Variants in CRTC1 observed in about 807,000 individuals in gnomAD.
The protein encoded by CRTC1 is CREB-regulated transcription coactivator 1.
In CRTC1, 18 loss-of-function variants were observed where a neutral mutation model predicts 66.1. The ratio of observed to expected loss-of-function variants is 0.27; its 90% CI spans 0.19 to 0.40. CRTC1 has a LOEUF of 0.40. Among genes scored for constraint, CRTC1 ranks in the 10% least tolerant of loss-of-function variants. The pLI, the probability that CRTC1 is intolerant of heterozygous loss-of-function variation, is 1.00. For synonymous variants in CRTC1, 416 were observed against 398.8 expected, an observed-to-expected ratio of 1.04 and a Z score of -0.51; for missense variants, 669 against 887.9, an observed-to-expected ratio of 0.75 and a Z score of 3.13.
intron 1 of CRTC1, among the ~76,000 whole-genome samples, chr19:18,736,985 C>T (rs549891614): frequency 3.0e-4 from 46 of 152,270 alleles, no homozygotes; most frequent in African/African-American, 9.4e-4. Context: ...GAGTGCTGCC[C>T]GAACATCTCT....
rs774272041 is a variant in CRTC1, at chr19:18,753,581, A to G, written c.620A>G (p.Lys207Arg). The part of the protein sequence containing the change: ...KNLSKQAWDT[K>R]KTGSRPKSCE... The stretch of plus-strand genomic sequence containing the variant: ...CTTTCCAAGCAAGCATGGGACACCA[A>G]GAAGGTAAGAGCCTATGAGCTTTCA... The change falls in exon 6 of 14, where the codon AAG (lysine) becomes AGG (arginine). Residue 207 changes from lysine to arginine, a missense_variant. By Grantham distance (26) the Lys-to-Arg change is conservative. This residue lies in a region of CRTC1 where 214 missense variants were observed against 323.4 expected (regional missense o/e 0.66). Transcript: ENST00000321949. The G allele has an allele frequency of 1.9e-6, 3 of 1,610,132 alleles. No homozygotes were observed. Among genetic ancestry groups the G allele is most frequent in the Non-Finnish European group, 1.7e-6 (2 of 1,177,500 alleles).
At chr19:18,685,075 T>C (rs1689369855) in intron 1 of CRTC1, among the ~76,000 whole-genome samples, 1 of 152,232 alleles carries the variant, frequency 6.6e-6, no homozygotes, top group African/African-American at 2.4e-5. Flanking sequence ...CAGCCACTGA[T>C]GTGACTGGCT....
chr19:18,757,255 TG>T (rs942103583), intron 6 of CRTC1, among the ~76,000 whole-genome samples: 10 of 152,112 alleles, frequency 6.6e-5, no homozygotes, highest in African/African-American at 2.2e-4. Context: ...GTCCTGCCTT[TG>T]TCCTTGAACA....
At chr19:18,775,462 C>T (rs911507415) in intron 12 of CRTC1, among the ~76,000 whole-genome samples, 179 bp from the exon 13 acceptor site, 3 of 152,180 alleles carry the variant, frequency 2.0e-5, no homozygotes, top group African/African-American at 2.4e-5. Context: ...TCTAGGGTGG[C>T]GGGGAGGCCC....
In CRTC1 at chr19:18,779,273, C is replaced by G. The variant is rs568244507; in HGVS notation, c.*1891C>G. On this transcript the variant is annotated 3_prime_UTR_variant, in exon 14 of 14. Transcript: ENST00000321949. Reference sequence around the variant, plus strand: ...GATCCTAGCAACCATCCCTTCCTCTCTTTGCCCGGCAATGCCTTTGGCATG... The same window carrying G: ...GATCCTAGCAACCATCCCTTCCTCTGTTTGCCCGGCAATGCCTTTGGCATG... 7 of 228,824 alleles carry G rather than the reference C, an allele frequency of 3.1e-5. No homozygotes were observed. The highest frequency in any genetic ancestry group is 2.5e-4 in the East Asian group (4 of 16,008). 14.2% of individuals were successfully genotyped at this position (228,824 alleles called of 1,614,324 possible). A position where few individuals can be genotyped will look rare whatever the true frequency, so the allele number is the denominator to read the frequency against.
chr19:18,744,021 A>C, intron 2 of CRTC1: 1 of 1,464,104 alleles, frequency 6.8e-7, no homozygotes, highest in East Asian at 2.3e-5. Context: ...CCCGAGGCCC[A>C]CAGCCCGGGG....
At chr19:18,747,733 CA>C (rs902970844) in intron 4 of CRTC1, among the ~76,000 whole-genome samples, 18 of 152,190 alleles carry the variant, frequency 1.2e-4, no homozygotes, top group African/African-American at 4.1e-4. Flanking sequence ...ACTCAACAGC[CA>C]TTAAAAATGT....
chr19:18,752,616 G>A (rs1486340009), intron 5 of CRTC1, among the ~76,000 whole-genome samples: 1 of 151,702 alleles, frequency 6.6e-6, no homozygotes, highest in Admixed American at 6.6e-5. Flanking sequence ...ACTGTGTCCA[G>A]CCTTGTTTCT....
intron 1 of CRTC1, among the ~76,000 whole-genome samples, chr19:18,695,366 C>A (rs2052959692): frequency 6.6e-6 from 1 of 152,114 alleles, no homozygotes; most frequent in Non-Finnish European, 1.5e-5. Flanking sequence ...CAAGTGGGGT[C>A]TGCCCTGGGT....
intron 4 of CRTC1, among the ~76,000 whole-genome samples, chr19:18,747,689 A>G (rs1199025009): frequency 6.6e-6 from 1 of 152,170 alleles, no homozygotes; most frequent in African/African-American, 2.4e-5. Context: ...GCTCTTTCCT[A>G]TTTAATGCTG....
In CRTC1 at chr19:18,781,600, C is replaced by T. The variant is rs2055105389; in HGVS notation, c.*4218C>T. ...GGTGGAGTAAGTTGTACCCCCAGGCCTGGGTGCTGGGGAGTTCCTGAGGGC... is the reference window on the plus strand; with the variant it reads ...GGTGGAGTAAGTTGTACCCCCAGGCTTGGGTGCTGGGGAGTTCCTGAGGGC... On this transcript the variant is annotated 3_prime_UTR_variant, in exon 14 of 14. Coordinates refer to ENST00000321949, the MANE Select transcript of CRTC1 (RefSeq NM_015321.3). The T allele has an allele frequency of 4.4e-6, 1 of 229,508 alleles. No individual in the cohort carries two copies. The highest frequency in any genetic ancestry group is 8.6e-6 in the Non-Finnish European group (1 of 115,766). The allele number at this position is 229,508 out of a possible 1,614,324, so 14.2% of individuals were successfully genotyped here.
chr19:18,704,222 T>C (rs1306456136), intron 1 of CRTC1, among the ~76,000 whole-genome samples: 3 of 152,186 alleles, frequency 2.0e-5, no homozygotes, highest in Non-Finnish European at 4.4e-5. Flanking sequence ...AAGCAATCTT[T>C]CCACCTCAGC....
chr19:18,704,540 C>T (rs1034558101), intron 1 of CRTC1, among the ~76,000 whole-genome samples: 24 of 152,184 alleles, frequency 1.6e-4, no homozygotes, highest in East Asian at 5.8e-4. Context: ...GTTGAAACCC[C>T]GTCTCTATTA....
chr19:18,743,455 CGCACAGCCGCCGT>C lies in CRTC1; in HGVS notation c.243+438_243+450del, dbSNP rs2054155642. ...CCCACACAGCGCGGCTCCCGCAGGC[CGCACAGCCGCCGT>C]GCACAGCCTTATCGTAAACAGGAGA... On this transcript the variant is annotated intron_variant, in intron 2 of 13. Coordinates refer to ENST00000321949, the MANE Select transcript of CRTC1 (RefSeq NM_015321.3). Among the ~76,000 whole-genome samples, 3 of 152,242 alleles carry C rather than the reference CGCACAGCCGCCGT, an allele frequency of 2.0e-5. No individual in the cohort carries two copies. In the South Asian group the frequency reaches 6.2e-4, roughly 31 times the overall value.
intron 1 of CRTC1, among the ~76,000 whole-genome samples, chr19:18,689,564 C>CATATATATATATATATATATATATATAT (rs10616884): frequency 6.8e-4 from 26 of 38,312 alleles, no homozygotes; most frequent in African/African-American, 1.1e-3. Context: ...AATTGATGGC[C>CATATATATATATATATATATATATATAT]ATATATATAT....
intron 1 of CRTC1, among the ~76,000 whole-genome samples, chr19:18,739,646 G>A (rs2145715380): frequency 6.6e-6 from 1 of 152,368 alleles, no homozygotes; most frequent in African/African-American, 2.4e-5. Flanking sequence ...GCATGGTGGG[G>A]GGCAGGGGAC....
In CRTC1 at chr19:18,745,928, C is replaced by T. The variant is rs540923120; in HGVS notation, c.349C>T (p.Arg117Trp). The T allele has an allele frequency of 2.5e-6, 4 of 1,612,528 alleles. No homozygotes were observed. The highest frequency in any genetic ancestry group is 3.4e-6 in the Non-Finnish European group (4 of 1,179,316). ...TGGCCGGCTCGGCTCCCCACACCGC[C>T]GGCCCCTGTCAGTGGACAAACACGG... is the stretch of plus-strand genomic sequence containing the variant. ...ERGRLGSPHRRPLSVDKHGRQ... is the reference protein window; with the variant it reads ...ERGRLGSPHRWPLSVDKHGRQ... Residue 117 changes from arginine to tryptophan, a missense_variant, in exon 3 of 14, where the codon CGG (arginine) becomes TGG (tryptophan). Arg to Trp is a moderately radical substitution (Grantham distance 101). Around this residue, in one of 8 missense-constraint regions of CRTC1, gnomAD observed 214 missense variants for 323.4 expected, o/e 0.66. Coordinates refer to ENST00000321949, the MANE Select transcript of CRTC1 (RefSeq NM_015321.3).
rs995507883 is a variant in CRTC1 at position 18,760,633 on chromosome 19, A to G, written c.886+405A>G. ...ACCCGACATCTGACAGTGACCACCT[A>G]CTTGTCACATCCCAGCACCACCACC... On this transcript the variant is annotated intron_variant, in intron 8 of 13. Coordinates refer to ENST00000321949, the MANE Select transcript of CRTC1 (RefSeq NM_015321.3). The surrounding 1 kb of genome is among the most constrained non-coding windows in gnomAD (Gnocchi z 6.2). Among the ~76,000 whole-genome samples, 1 of 151,074 alleles carries G rather than the reference A, an allele frequency of 6.6e-6. No homozygotes were observed. Among genetic ancestry groups the G allele is most frequent in the Non-Finnish European group, 1.5e-5 (1 of 67,750 alleles).
intron 1 of CRTC1, among the ~76,000 whole-genome samples, chr19:18,712,164 A>G (rs930755824): frequency 6.6e-6 from 1 of 150,844 alleles, no homozygotes; most frequent in Admixed American, 6.6e-5. Context: ...CTGGTCTGAA[A>G]CTCCTTCCTG....
Sources: gnomAD v4.1 joint callset for allele counts (sites outside exome capture counted in the v4.1 genomes callset) on GRCh38, gnomAD v4.1.1 for gene constraint, gnomAD v4.1.1 regional missense constraint, Gnocchi (gnomAD v3.1) non-coding constraint, MANE v1.5 for transcripts, NCBI Gene and HGNC (gene_info 2026-07-23, HGNC 2026-07-21) for gene names.